PSTPIP2: variants seen among roughly 807,000 people sequenced by gnomAD.
PSTPIP2 encodes proline-serine-threonine phosphatase interacting protein 2.
In PSTPIP2, 33 loss-of-function variants were observed where a neutral mutation model predicts 63.3. That is an observed-to-expected ratio of 0.52 (90% CI 0.40 to 0.70). PSTPIP2 has a LOEUF of 0.70. Among genes scored for constraint, PSTPIP2 ranks in the 30% least tolerant of loss-of-function variants. The pLI, the probability that PSTPIP2 is intolerant of heterozygous loss-of-function variation, is 0.00. For missense variants in PSTPIP2, 312 were observed against 400.7 expected (o/e 0.78, Z 1.89); for synonymous variants, 125 against 132.7 (o/e 0.94, Z 0.40).
At chr18:46,071,115 C>T (rs2144143226) in intron 1 of PSTPIP2, among the ~76,000 whole-genome samples, 1 of 152,256 alleles carries the variant, frequency 6.6e-6, no homozygotes, top group South Asian at 2.1e-4. Context: ...AGTGAAGGGA[C>T]TCACAGGCAC....
chr18:46,058,881 TGGACAC>T (rs1908878021), intron 1 of PSTPIP2, among the ~76,000 whole-genome samples: 1 of 152,184 alleles, frequency 6.6e-6, no homozygotes, highest in Non-Finnish European at 1.5e-5. Flanking sequence ...CCTAGGACCC[TGGACAC>T]TGCCTGGGAG....
intron 8 of PSTPIP2, 119 bp from the exon 9 acceptor site, chr18:45,997,947 G>T: frequency 1.2e-6 from 1 of 813,162 alleles, no homozygotes. Flanking sequence ...GAGCTTACAA[G>T]GCCCCCAGGA....
chr18:45,986,984 C>A (rs1370141464), intron 14 of PSTPIP2, among the ~76,000 whole-genome samples: 1 of 152,030 alleles, frequency 6.6e-6, no homozygotes, highest in Non-Finnish European at 1.5e-5. Context: ...GCTACAGGTG[C>A]CTGCCACCAT....
intron 1 of PSTPIP2, among the ~76,000 whole-genome samples, chr18:46,044,241 G>A (rs1027430224): frequency 3.2e-4 from 49 of 152,120 alleles, no homozygotes; most frequent in Middle Eastern, 3.2e-3. Flanking sequence ...GAGGCATCAC[G>A]CTACCTGACT....
chr18:46,008,654 G>C (rs187015834), intron 5 of PSTPIP2, among the ~76,000 whole-genome samples: 1 of 152,136 alleles, frequency 6.6e-6, no homozygotes, highest in African/African-American at 2.4e-5. Context: ...TAACCACGGA[G>C]GTTCCTTTCT....
chr18:45,994,143 C>G (rs2144062293), intron 9 of PSTPIP2, among the ~76,000 whole-genome samples: 1 of 152,136 alleles, frequency 6.6e-6, no homozygotes, highest in South Asian at 2.1e-4. Flanking sequence ...GTGTACTTGT[C>G]TTCTGTCTTT....
At chr18:45,990,974 GGAGCACA>G (rs1238081909) in intron 12 of PSTPIP2, among the ~76,000 whole-genome samples, 19 of 152,220 alleles carry the variant, frequency 1.2e-4, no homozygotes, top group Non-Finnish European at 2.5e-4. Flanking sequence ...ATAGTGATTA[GGAGCACA>G]GAGCCTTATC....
chr18:46,028,861 C>T, intron 2 of PSTPIP2: 1 of 1,586,014 alleles, frequency 6.3e-7, no homozygotes, highest in Non-Finnish European at 8.6e-7. Context: ...TGCTTTGTTG[C>T]AAAGGACTGG....
intron 3 of PSTPIP2, 109 bp downstream of exon 3, chr18:46,024,500 T>C (rs1332819569): frequency 1.8e-5 from 17 of 938,074 alleles, no homozygotes; most frequent in African/African-American, 3.3e-5. Flanking sequence ...AAAAAAATTT[T>C]TTTTTCAGCC....
chr18:46,060,450 T>C (rs1206050414), intron 1 of PSTPIP2, among the ~76,000 whole-genome samples: 2 of 152,206 alleles, frequency 1.3e-5, no homozygotes, highest in Non-Finnish European at 2.9e-5. Flanking sequence ...TTGCCAGATA[T>C]CATTATCCTC....
rs187445914 is a variant in PSTPIP2 at position 46,023,543 on chromosome 18, G to A, written c.212+1066C>T. Among the ~76,000 whole-genome samples the A allele has an allele frequency of 3.3e-3, 490 of 150,336 alleles. 6 individuals are homozygous for A. Among genetic ancestry groups the A allele is most frequent in the African/African-American group, 0.011 (457 of 40,428 alleles). On this transcript the variant is annotated intron_variant, in intron 3 of 14. Coordinates refer to ENST00000409746, the MANE Select transcript of PSTPIP2 (RefSeq NM_024430.4). Reference sequence around the variant, plus strand: ...CATTGCACTCCAGCCTGGGCAACAAGAGCAAAACTCCTTCTCAAAAAGAAA... The same window carrying A: ...CATTGCACTCCAGCCTGGGCAACAAAAGCAAAACTCCTTCTCAAAAAGAAA...
chr18:46,027,710 A>G (rs1207309666), intron 2 of PSTPIP2, among the ~76,000 whole-genome samples: 1 of 152,152 alleles, frequency 6.6e-6, no homozygotes, highest in Non-Finnish European at 1.5e-5. Context: ...AAATAAGTAA[A>G]TAAAAATTGA....
chr18:46,029,575 G>T (rs553182424), intron 2 of PSTPIP2: 5 of 784,632 alleles, frequency 6.4e-6, no homozygotes, highest in African/African-American at 3.4e-5. Context: ...TTCTTGTCTC[G>T]AAGGAACAAA....
intron 1 of PSTPIP2, among the ~76,000 whole-genome samples, chr18:46,042,545 C>T (rs543411043): frequency 2.6e-5 from 4 of 152,300 alleles, no homozygotes; most frequent in Admixed American, 2.0e-4. Flanking sequence ...TTTTGAACTA[C>T]CCCTGCATCC....
At chr18:46,013,271 A>G (rs112368935) in intron 4 of PSTPIP2, among the ~76,000 whole-genome samples, 1,560 of 152,276 alleles carry the variant, frequency 0.01, 24 homozygotes, top group African/African-American at 0.036. Context: ...GTATTCATTG[A>G]TGAGTTACGG....
At chr18:46,071,250 G>T (rs1187076480) in intron 1 of PSTPIP2, among the ~76,000 whole-genome samples, 1 of 152,184 alleles carries the variant, frequency 6.6e-6, no homozygotes, top group Non-Finnish European at 1.5e-5. Context: ...GCAAGCAGGA[G>T]CCCCAGTAAG....
chr18:46,069,501 G>T (rs1258711728), intron 1 of PSTPIP2, among the ~76,000 whole-genome samples: 1 of 152,136 alleles, frequency 6.6e-6, no homozygotes, highest in African/African-American at 2.4e-5. Flanking sequence ...ATTTTAAAAT[G>T]ATTTTTAGAG....
At chr18:46,042,757 T>G (rs1908237243) in intron 1 of PSTPIP2, among the ~76,000 whole-genome samples, 1 of 152,152 alleles carries the variant, frequency 6.6e-6, no homozygotes. Flanking sequence ...AGAAAGACAC[T>G]GGAGGATGTC....
chr18:46,027,297 AAAATAAATAAAT>A (rs67989237), intron 2 of PSTPIP2, among the ~76,000 whole-genome samples: 59,299 of 141,606 alleles, frequency 0.42, 13,674 homozygotes, highest in Non-Finnish European at 0.51. Context: ...CTCCATCTCA[AAAATAAATAAAT>A]AAATAAATAA....
Sources: gnomAD v4.1 joint callset for allele counts (sites outside exome capture counted in the v4.1 genomes callset) on GRCh38, gnomAD v4.1.1 for gene constraint, MANE v1.5 for transcripts, NCBI Gene and HGNC (gene_info 2026-07-23, HGNC 2026-07-21) for gene names.